TULP4: variants seen among roughly 807,000 people sequenced by gnomAD.
The protein encoded by TULP4 is tubby-related protein 4.
A neutral mutation model predicts 129.0 loss-of-function variants in TULP4; 16 were observed. The observed-to-expected ratio is 0.12, with a 90% CI of 0.08 to 0.19. TULP4 has a LOEUF of 0.19. TULP4 is among the 10% of genes least tolerant of loss of function. The pLI, the probability that TULP4 is intolerant of heterozygous loss-of-function variation, is 1.00. For missense variants in TULP4, 1,842 were observed against 2,059.1 expected (o/e 0.89, Z 2.04); for synonymous variants, 998 against 854.0 (o/e 1.17, Z -2.94).
chr6:158,248,427 G>A (rs1256546901), intron 1 of TULP4, among the ~76,000 whole-genome samples: 2 of 142,232 alleles, frequency 1.4e-5, no homozygotes, highest in African/African-American at 4.9e-5. Context: ...CCGCCACCAC[G>A]CCCGGCTAAT....
At chr6:158,328,364 C>T (rs757847982) in intron 1 of TULP4, among the ~76,000 whole-genome samples, 3 of 151,992 alleles carry the variant, frequency 2.0e-5, no homozygotes, top group Non-Finnish European at 4.4e-5. Flanking sequence ...AGTAAGGCAT[C>T]TCTGCTAATT....
In TULP4 at chr6:158,504,029, G is replaced by C; in HGVS notation, c.4366G>C (p.Gly1456Arg). 6.2e-7 allele frequency: 1 copy of C among 1,610,868 alleles called. No homozygotes were observed. Among genetic ancestry groups the C allele is most frequent in the Non-Finnish European group, 8.5e-7 (1 of 1,178,654 alleles). Residue 1456 changes from glycine (G) to arginine (R), a missense_variant, in exon 13 of 14, where the codon GGG becomes CGG. Around this residue, in one of 5 missense-constraint regions of TULP4, gnomAD observed 1,089 missense variants for 987.1 expected, o/e 1.10. Transcript: ENST00000367097. ...KCRRASEKED[G>R]RLGSQGFVYV... ...CCGGCGGGCCAGTGAGAAGGAGGAC[G>C]GGCGGCTGGGCAGCCAAGGCTTCGT... is the stretch of plus-strand genomic sequence containing the variant.
At chr6:158,256,008 A>G (rs951024509) in intron 1 of TULP4, among the ~76,000 whole-genome samples, 1 of 146,016 alleles carries the variant, frequency 6.8e-6, no homozygotes, top group Non-Finnish European at 1.6e-5. Context: ...GCAAGAGCAG[A>G]GCCTGTTATA....
chr6:158,326,725 A>G (rs1779755783), intron 1 of TULP4, among the ~76,000 whole-genome samples: 1 of 152,328 alleles, frequency 6.6e-6, no homozygotes, highest in South Asian at 2.1e-4. Flanking sequence ...TTAAGAGCTC[A>G]GGCCCCGGAG....
chr6:158,346,014 C>T (rs1313809204), intron 1 of TULP4, among the ~76,000 whole-genome samples: 5 of 152,178 alleles, frequency 3.3e-5, no homozygotes, highest in African/African-American at 7.2e-5. Context: ...CCTACTGGCA[C>T]GTCCGTTTAT....
At chr6:158,400,861 A>G (rs372632497) in intron 1 of TULP4, among the ~76,000 whole-genome samples, 2 of 152,244 alleles carry the variant, frequency 1.3e-5, no homozygotes, top group African/African-American at 4.8e-5. Context: ...TAGGGAAACC[A>G]AACATTATAC....
At chr6:158,392,758 A>G (rs1777612290) in intron 1 of TULP4, among the ~76,000 whole-genome samples, 1 of 145,024 alleles carries the variant, frequency 6.9e-6, no homozygotes, top group Non-Finnish European at 1.5e-5. Context: ...CCACCTTCCT[A>G]CACTGCCACT....
intron 1 of TULP4, among the ~76,000 whole-genome samples, chr6:158,288,329 G>A (rs1778864576): frequency 6.6e-6 from 1 of 152,086 alleles, no homozygotes. Context: ...CCAGTACTGT[G>A]TGGTAGTAGG....
At chr6:158,461,194 C>T (rs999511172) in intron 5 of TULP4, among the ~76,000 whole-genome samples, 2 of 152,144 alleles carry the variant, frequency 1.3e-5, no homozygotes, top group Admixed American at 6.5e-5. Context: ...GGCAGATCAC[C>T]TGAGGTCGGG....
In TULP4 at chr6:158,478,398, T is replaced by C. The variant is rs76333380; in HGVS notation, c.1027-1353T>C. 3.3e-5 allele frequency among the ~76,000 whole-genome samples: 5 copies of C among 152,222 alleles called. No homozygotes were observed. In the East Asian group the frequency reaches 9.6e-4, roughly 29 times the overall value. ...AGAGCCTCTGTCCTAACCTGTACTTTTGGGGGTTGACGATACCAGAGTAAT... is the reference window on the plus strand; with the variant it reads ...AGAGCCTCTGTCCTAACCTGTACTTCTGGGGGTTGACGATACCAGAGTAAT... On this transcript the variant is annotated intron_variant, in intron 6 of 13. Transcript: ENST00000367097.
At chr6:158,255,438 C>T (rs1430268447) in intron 1 of TULP4, among the ~76,000 whole-genome samples, 7 of 152,136 alleles carry the variant, frequency 4.6e-5, no homozygotes. Flanking sequence ...GGGTCCCATT[C>T]TCCGTAGGTG....
intron 6 of TULP4, among the ~76,000 whole-genome samples, chr6:158,476,809 A>T (rs1208711440): frequency 2.0e-5 from 3 of 152,158 alleles, no homozygotes; most frequent in Non-Finnish European, 4.4e-5. Flanking sequence ...TAAATTTTTC[A>T]GTGGAGTATT....
intron 1 of TULP4, among the ~76,000 whole-genome samples, chr6:158,325,212 CT>C (rs1779719318): frequency 3.3e-5 from 5 of 152,204 alleles, no homozygotes; most frequent in Admixed American, 2.0e-4. Flanking sequence ...ACAGCACTGG[CT>C]ATGCTTAATC....
chr6:158,237,357 T>C (rs1777731461), intron 1 of TULP4: 1 of 1,612,628 alleles, frequency 6.2e-7, no homozygotes, highest in South Asian at 1.1e-5. Context: ...CTTTTCCACC[T>C]TTCTTCTTTT....
At chr6:158,461,871 C>T (rs1779436001) in intron 6 of TULP4, 142 bp downstream of exon 6, 2 of 983,256 alleles carry the variant, frequency 2.0e-6, no homozygotes, top group Admixed American at 3.1e-5. Flanking sequence ...AGGGAGAAAG[C>T]AGTTTTTGCC....
At chr6:158,310,827 C>T (rs574104641), upstream of TULP4, among the ~76,000 whole-genome samples, 6 of 152,218 alleles carry the variant, frequency 3.9e-5, no homozygotes, top group Non-Finnish European at 7.4e-5. Flanking sequence ...TTCAGTAGTC[C>T]ACAGAAGTAC....
intron 1 of TULP4, among the ~76,000 whole-genome samples, chr6:158,236,454 C>G (rs986744180): frequency 6.6e-6 from 1 of 152,094 alleles, no homozygotes; most frequent in South Asian, 2.1e-4. Context: ...TACATTTCAA[C>G]TATTTATCAT....
intron 1 of TULP4, among the ~76,000 whole-genome samples, chr6:158,410,557 T>G (rs73023888): frequency 6.6e-6 from 1 of 152,360 alleles, no homozygotes; most frequent in Non-Finnish European, 1.5e-5. Flanking sequence ...CAGTGGCCAT[T>G]CTGAAGTACA....
chr6:158,254,852 A>T (rs559808359), intron 1 of TULP4, among the ~76,000 whole-genome samples: 16 of 152,270 alleles, frequency 1.1e-4, no homozygotes, highest in African/African-American at 3.6e-4. Context: ...TGGGTGGATC[A>T]CCCGAGACCG....
Sources: allele counts gnomAD v4.1 joint callset (sites outside exome capture counted in the v4.1 genomes callset), GRCh38; gene constraint gnomAD v4.1.1; regional missense constraint gnomAD v4.1.1; transcripts MANE v1.5; gene names NCBI Gene and HGNC (gene_info 2026-07-23, HGNC 2026-07-21).